Variants in DTHD1 observed in about 807,000 individuals in gnomAD.
DTHD1 encodes death domain containing 1.
Under a neutral mutation model 74.8 loss-of-function variants are expected in DTHD1, and 59 were observed. The ratio of observed to expected loss-of-function variants is 0.79; its 90% CI spans 0.64 to 0.98. The LOEUF is 0.98. Ranked by LOEUF, DTHD1 falls within the 50% of genes least tolerant of loss-of-function variation. The pLI is 0.00. For synonymous variants in DTHD1, 365 were observed against 371.1 expected, an observed-to-expected ratio of 0.98 and a Z score of 0.19; for missense variants, 1,051 against 1,065.4, an observed-to-expected ratio of 0.99 and a Z score of 0.19.
At chr4:36,285,644 G>GA (rs10645677) in intron 2 of DTHD1, among the ~76,000 whole-genome samples, 78,606 of 150,274 alleles carry the variant, frequency 0.52, 22,155 homozygotes, top group East Asian at 0.79. Context: ...GCTTAGAAGT[G>GA]AAAAAAAAAA....
At position 36,343,866 on chromosome 4, in the gene DTHD1, G is replaced by C; in HGVS notation, c.*42G>C. ...CCTTTACCCCTAGGAAAAGGCACAC[G>C]GTGGGTTTTTGTTTCTGTCAACATT... On this transcript the variant is annotated 3_prime_UTR_variant, in exon 10 of 10. Transcript: ENST00000639862. 6.8e-7 allele frequency: 1 copy of C among 1,474,734 alleles called. No homozygotes were observed. The highest frequency in any genetic ancestry group is 9.0e-7 in the Non-Finnish European group (1 of 1,110,808). The allele number at this position is 1,474,734 out of a possible 1,614,324, so 91.4% of individuals were successfully genotyped here.
In DTHD1 at chr4:36,308,290, C is replaced by G; in HGVS notation, c.1892C>G (p.Thr631Ser). ...TCTTTAGAGGAAGCCATGCTCAGCA[C>G]CACTGCCTGCATAGTACTGTCTCAC... Reference protein sequence around the residue: ...VKSLEEAMLSTTACIVLSHQK... With the variant: ...VKSLEEAMLSSTACIVLSHQK... The change falls in exon 7 of 10, where the codon ACC (threonine) becomes AGC (serine). Residue 631 changes from threonine to serine, a missense_variant. Coordinates refer to ENST00000639862, the MANE Select transcript of DTHD1 (RefSeq NM_001170700.3). The G allele has an allele frequency of 1.3e-6, 2 of 1,552,046 alleles. No homozygotes were observed. Among genetic ancestry groups the G allele is most frequent in the Non-Finnish European group, 1.7e-6 (2 of 1,147,068 alleles).
Position 36,344,489 on chromosome 4 carries a change from TC to T in DTHD1, c.*666del, listed in dbSNP as rs1759492641. On this transcript the variant is annotated 3_prime_UTR_variant, in exon 10 of 10. Transcript: ENST00000639862. ...ATTGGCATTGATTGAACAGTTATTA[TC>T]TAAAGACCTGGAATCAATAGGAAGG... is the stretch of plus-strand genomic sequence containing the variant. The T allele has an allele frequency of 6.6e-6, 1 of 152,244 alleles. No homozygotes were observed. The highest frequency in any genetic ancestry group is 1.5e-5 in the Non-Finnish European group (1 of 68,062). 9.4% of individuals were successfully genotyped at this position (152,244 alleles called of 1,614,324 possible). A position where few individuals can be genotyped will look rare whatever the true frequency, so the allele number is the denominator to read the frequency against.
intron 8 of DTHD1, among the ~76,000 whole-genome samples, chr4:36,334,175 T>C (rs1758862397): frequency 6.6e-6 from 1 of 152,092 alleles, no homozygotes; most frequent in Non-Finnish European, 1.5e-5. Flanking sequence ...GTTTGATACT[T>C]GATTGGCTTT....
chr4:36,305,218 T>C (rs1230945365), intron 5 of DTHD1, among the ~76,000 whole-genome samples: 1 of 152,224 alleles, frequency 6.6e-6, no homozygotes. Context: ...AATTCTATGA[T>C]GTTGGTACTT....
chr4:36,304,513 A>C (rs1424346992), intron 5 of DTHD1, among the ~76,000 whole-genome samples: 1 of 152,222 alleles, frequency 6.6e-6, no homozygotes, highest in Non-Finnish European at 1.5e-5. Flanking sequence ...CTGTGAAAGT[A>C]AGTTGGTTTT....
At chr4:36,316,509 T>C in intron 8 of DTHD1, 23 bp downstream of exon 8, 1 of 1,531,778 alleles carries the variant, frequency 6.5e-7, no homozygotes. Flanking sequence ...ACTTTTCTAA[T>C]TACTACATTT....
intron 1 of DTHD1, among the ~76,000 whole-genome samples, chr4:36,283,584 TGATA>T (rs1755521097): frequency 6.6e-6 from 1 of 152,200 alleles, no homozygotes; most frequent in Non-Finnish European, 1.5e-5. Flanking sequence ...AATGGATCAT[TGATA>T]AACTATTGTA....
chr4:36,326,047 G>A (rs774634287), intron 8 of DTHD1, among the ~76,000 whole-genome samples: 1 of 152,022 alleles, frequency 6.6e-6, no homozygotes, highest in Admixed American at 6.6e-5. Flanking sequence ...ACAGCTCATC[G>A]TCATAACCTT....
rs372100998 is a variant in DTHD1 at position 36,284,349 on chromosome 4, T to C, written c.645T>C (p.Asn215=). ...EESQNKMFPD[N]AENEDDKQIE... The stretch of plus-strand genomic sequence containing the variant: ...CACAGAATAAAATGTTCCCAGATAA[T>C]GCAGAAAATGAAGATGATAAACAAA... Residue 215 remains asparagine (N), a synonymous_variant, in exon 2 of 10, where the codon AAT becomes AAC. Coordinates refer to ENST00000639862, the MANE Select transcript of DTHD1 (RefSeq NM_001170700.3). 117 of 1,537,118 alleles carry C rather than the reference T, an allele frequency of 7.6e-5. No homozygotes were observed. The East Asian group carries it at 8.3e-4, about 11-fold the overall frequency.
At chr4:36,318,009 G>A (rs1005113687) in intron 8 of DTHD1, among the ~76,000 whole-genome samples, 3 of 152,236 alleles carry the variant, frequency 2.0e-5, no homozygotes, top group African/African-American at 7.2e-5. Flanking sequence ...AATAACCATT[G>A]TAATAATGTC....
At chr4:36,329,086 T>C (rs987183059) in intron 8 of DTHD1, among the ~76,000 whole-genome samples, 1 of 152,242 alleles carries the variant, frequency 6.6e-6, no homozygotes, top group African/African-American at 2.4e-5. Context: ...AGCTTCCTTC[T>C]ATTCCTTGGG....
chr4:36,339,792 G>A (rs148859137), intron 9 of DTHD1, among the ~76,000 whole-genome samples: 1 of 152,202 alleles, frequency 6.6e-6, no homozygotes, highest in African/African-American at 2.4e-5. Flanking sequence ...CATTATGAAT[G>A]ATATGAGTTT....
chr4:36,302,586 T>C (rs768237515), intron 5 of DTHD1, among the ~76,000 whole-genome samples: 1 of 152,186 alleles, frequency 6.6e-6, no homozygotes. Flanking sequence ...AATGTAAATA[T>C]GACGTTTTAA....
Position 36,308,418 on chromosome 4 carries a change from G to A in DTHD1, c.2020G>A (p.Glu674Lys), listed in dbSNP as rs1028369845. The A allele has an allele frequency of 5.2e-6, 8 of 1,551,836 alleles. No individual in the cohort carries two copies. The highest frequency in any genetic ancestry group is 7.0e-6 in the Non-Finnish European group (8 of 1,147,012). Residue 674 changes from glutamate (E) to lysine (K), a missense_variant, in exon 7 of 10, where the codon GAG (glutamate) becomes AAG (lysine). By Grantham distance (56) the Glu-to-Lys change is moderately conservative. Coordinates refer to ENST00000639862, the MANE Select transcript of DTHD1 (RefSeq NM_001170700.3). ...LHLEGFGGPP[E>K]PSRHFQVREG... ...CTTGGAAGGGTTTGGAGGACCTCCA[G>A]AGCCATCTCGTCATTTCCAAGTTCG...
At chr4:36,316,530 T>G (rs1459580515) in intron 8 of DTHD1, 44 bp downstream of exon 8, 2 of 1,499,774 alleles carry the variant, frequency 1.3e-6, no homozygotes, top group Non-Finnish European at 1.8e-6. Flanking sequence ...TGTTAATTAT[T>G]TATAATTCTG....
chr4:36,284,358 T>A lies in DTHD1; in HGVS notation c.654T>A (p.Asn218Lys), dbSNP rs1394517583. 3 of 1,536,660 alleles carry A rather than the reference T, an allele frequency of 2.0e-6. No individual in the cohort carries two copies. Among genetic ancestry groups the A allele is most frequent in the East Asian group, 4.9e-5 (2 of 40,894 alleles). ...QNKMFPDNAE[N>K]EDDKQIEHMT... ...AAATGTTCCCAGATAATGCAGAAAA[T>A]GAAGATGATAAACAAATAGAACACA... The change falls in exon 2 of 10, where the codon AAT becomes AAA. Residue 218 changes from asparagine to lysine, a missense_variant. Transcript: ENST00000639862.
rs552489226 is a variant in DTHD1, at chr4:36,298,872, C to A, written c.1643+3833C>A. 2.0e-5 allele frequency among the ~76,000 whole-genome samples: 3 copies of A among 152,212 alleles called. No homozygotes were observed. The East Asian group carries it at 5.8e-4, about 29-fold the overall frequency. ...TGCCCATGAAAAATGACATTTCCTA[C>A]ACAATGCAATTGTTTTTAAGATTAA... On this transcript the variant is annotated intron_variant, in intron 5 of 9. Coordinates refer to ENST00000639862, the MANE Select transcript of DTHD1 (RefSeq NM_001170700.3).
intron 8 of DTHD1, among the ~76,000 whole-genome samples, chr4:36,335,695 G>T (rs968688947): frequency 6.6e-6 from 1 of 152,176 alleles, no homozygotes; most frequent in Non-Finnish European, 1.5e-5. Flanking sequence ...CCCAAGGAGG[G>T]TTAAAAACTT....
Sources: gnomAD v4.1 joint callset for allele counts (sites outside exome capture counted in the v4.1 genomes callset) on GRCh38, gnomAD v4.1.1 for gene constraint, MANE v1.5 for transcripts, NCBI Gene and HGNC (gene_info 2026-07-23, HGNC 2026-07-21) for gene names.